Variants in HEXD observed in about 807,000 individuals in gnomAD.
HEXD encodes hexosaminidase D, also known as N-acetyl-beta-galactosaminidase.
HEXD carries 47 observed loss-of-function variants against 54.2 expected under a neutral mutation model. The observed-to-expected ratio is 0.87, with a 90% confidence interval of 0.69 to 1.11. The LOEUF is 1.11. Ranked by LOEUF, HEXD falls within the 50% of genes least tolerant of loss-of-function variation. The probability of loss-of-function intolerance (pLI) is 0.00; values close to 1 mark genes in which losing one functional copy is unlikely to be tolerated. For missense variants in HEXD, 576 were observed against 649.2 expected (o/e 0.89, Z 1.23); for synonymous variants, 293 against 287.6 (o/e 1.02, Z -0.19).
Position 82,436,697 on chromosome 17 carries a change from T to C in HEXD, c.662T>C (p.Val221Ala). The C allele has an allele frequency of 6.2e-7, 1 of 1,612,466 alleles. No individual in the cohort carries two copies. The highest frequency in any genetic ancestry group is 8.5e-7 in the Non-Finnish European group (1 of 1,179,684). ...ASGVPQLVEP[V>A]LWDYTADLDV... ...GGGGTGCCGCAGCTGGTGGAGCCGGTGCTCTGGGACTACACGGCCGACCTG... is the reference window on the plus strand; with the variant it reads ...GGGGTGCCGCAGCTGGTGGAGCCGGCGCTCTGGGACTACACGGCCGACCTG... The change falls in exon 7 of 13, where the codon GTG (valine) becomes GCG (alanine). Residue 221 changes from valine to alanine, a missense_variant. Val to Ala is a moderately conservative substitution (Grantham distance 64). Coordinates refer to ENST00000327949, the MANE Select transcript of HEXD (RefSeq NM_001330542.2).
intron 11 of HEXD, 57 bp from the exon 12 acceptor site, chr17:82,441,743 G>T: frequency 7.5e-7 from 1 of 1,341,018 alleles, no homozygotes. Context: ...TTACTGCAAA[G>T]CCGCCCCACG....
Position 82,433,681 on chromosome 17 carries a change from C to T in HEXD, c.306C>T (p.Phe102=), listed in dbSNP as rs371237510. The change falls in exon 5 of 13, where the codon TTC becomes TTT. Residue 102 remains phenylalanine (F), a synonymous_variant. Coordinates refer to ENST00000327949, the MANE Select transcript of HEXD (RefSeq NM_001330542.2). ...AGTTTGTGCTGAAGCACACGGCCTTCGCCCACCTGCGGGAGGTGGGCTCCT... is the reference window on the plus strand; with the variant it reads ...AGTTTGTGCTGAAGCACACGGCCTTTGCCCACCTGCGGGAGGTGGGCTCCT... ...HMEFVLKHTA[F]AHLREVGSFP... 4.5e-5 allele frequency: 73 copies of T among 1,605,962 alleles called. No homozygotes were observed. In the East Asian group the frequency reaches 9.3e-4, roughly 21 times the overall value.
intron 6 of HEXD, 132 bp from the exon 7 acceptor site, chr17:82,436,535 C>T: frequency 1.4e-6 from 1 of 713,698 alleles, no homozygotes; most frequent in Non-Finnish European, 2.3e-6. Flanking sequence ...TGTCAAAACC[C>T]AGCACGGTGC....
intron 4 of HEXD, among the ~76,000 whole-genome samples, chr17:82,432,244 G>A (rs1037642373): frequency 1.3e-5 from 2 of 152,280 alleles, no homozygotes; most frequent in Admixed American, 6.5e-5. Flanking sequence ...TGTGGCCCCC[G>A]TCAGCCAGGC....
intron 4 of HEXD, 102 bp downstream of exon 4, chr17:82,428,747 T>TTA (rs1007654676): frequency 3.1e-6 from 3 of 963,878 alleles, no homozygotes; most frequent in Admixed American, 3.5e-5. Context: ...GGGCCCATGG[T>TTA]TGGGGTGCAG....
chr17:82,436,310 T>C (rs989535910), intron 6 of HEXD, among the ~76,000 whole-genome samples: 4 of 152,350 alleles, frequency 2.6e-5, no homozygotes, highest in Middle Eastern at 3.4e-3. Flanking sequence ...CTCAGTGAGC[T>C]CCATAGCAGA....
intron 7 of HEXD, 124 bp downstream of exon 7, chr17:82,436,862 C>G (rs960767164): frequency 1.2e-6 from 1 of 852,666 alleles, no homozygotes; most frequent in Admixed American, 2.5e-5. Context: ...GGCCAGGGCA[C>G]AGCCCCAGCA....
In HEXD at chr17:82,441,285, G is replaced by A. The variant is rs2053943115; in HGVS notation, c.1163+19G>A. 6.3e-7 allele frequency: 1 copy of A among 1,599,902 alleles called. No individual in the cohort carries two copies. The highest frequency in any genetic ancestry group is 8.5e-7 in the Non-Finnish European group (1 of 1,173,598). ...GCAACAGGTGAGCGTGTGGGTTAGG[G>A]GCAGGTGTGGGTGAGGGGGGCAGGC... On this transcript the variant is annotated intron_variant, in intron 11 of 12. Transcript: ENST00000327949.
chr17:82,418,423 C>T lies in HEXD; in HGVS notation c.-369C>T. The T allele has an allele frequency of 6.8e-7, 1 of 1,479,836 alleles. No individual in the cohort carries two copies. Among genetic ancestry groups the T allele is most frequent in the Admixed American group, 2.2e-5 (1 of 44,480 alleles). 91.7% of individuals were successfully genotyped at this position (1,479,836 alleles called of 1,614,324 possible). On this transcript the variant is annotated 5_prime_UTR_variant, in exon 1 of 13. Transcript: ENST00000327949. ...CTCCTCACCGCTACCTGCTCCGGTT[C>T]CGGCGCTCGGCCGCTCCGTTGCCCT...
Position 82,423,812 on chromosome 17 carries a change from C to CAA in HEXD, c.85-567_85-566dup, listed in dbSNP as rs570299369. Among the ~76,000 whole-genome samples, 438 of 91,204 alleles carry CAA rather than the reference C, an allele frequency of 4.8e-3. 3 individuals carry two copies. The highest frequency in any genetic ancestry group is 0.016 in the African/African-American group (395 of 25,310). 59.8% of individuals were successfully genotyped at this position (91,204 alleles called of 152,430 possible). On this transcript the variant is annotated intron_variant, in intron 2 of 12. Transcript: ENST00000327949. ...TGGGCGAGAGAGCGAGACTCCATCT[C>CAA]AAAAAAAAAAAAAAAAGAGAGAAAG...
rs1228598934 is a variant in HEXD at position 82,428,550 on chromosome 17, C to T, written c.195-8C>T. 1 of 1,612,360 alleles carries T rather than the reference C, an allele frequency of 6.2e-7. No individual in the cohort carries two copies. The highest frequency in any genetic ancestry group is 8.5e-7 in the Non-Finnish European group (1 of 1,178,566). ...ATGACCCTCTCTCTATGAATTTTGTCTCTCCAGCCCCTCTGAAATCAAAGA... is the reference window on the plus strand; with the variant it reads ...ATGACCCTCTCTCTATGAATTTTGTTTCTCCAGCCCCTCTGAAATCAAAGA... On this transcript the variant is annotated splice_polypyrimidine_tract_variant and splice_region_variant and intron_variant, in intron 3 of 12. Coordinates refer to ENST00000327949, the MANE Select transcript of HEXD (RefSeq NM_001330542.2).
Position 82,442,225 on chromosome 17 carries a change from G to A in HEXD, c.1302G>A (p.Leu434=). 2 of 1,605,246 alleles carry A rather than the reference G, an allele frequency of 1.2e-6. No homozygotes were observed. ...TCGTGCAGGAGCTGGAGGCTGCCCT[G>A]CAGCTGGCTTTCTACCCGGATGCCG... The part of the protein sequence containing the change: ...STLVQELEAA[L]QLAFYPDAVE... The change falls in exon 13 of 13, where the codon CTG becomes CTA. Residue 434 remains leucine (L), a synonymous_variant. Transcript: ENST00000327949. This position sits in a 1 kb window ranked among gnomAD's most constrained non-coding sequence, Gnocchi z 6.8.
In HEXD at chr17:82,442,575, G is replaced by A; in HGVS notation, c.*191G>A. 2.5e-6 allele frequency: 4 copies of A among 1,577,648 alleles called. No individual in the cohort carries two copies. The highest frequency in any genetic ancestry group is 3.5e-6 in the Non-Finnish European group (4 of 1,153,106). On this transcript the variant is annotated 3_prime_UTR_variant, in exon 13 of 13. Transcript: ENST00000327949. This position sits in a 1 kb window ranked among gnomAD's most constrained non-coding sequence, Gnocchi z 6.8. ...AGAAAACACAGAAGGAAGCAGCACA[G>A]GGAGACCCGCTTTGTGATCTGCATG... is the stretch of plus-strand genomic sequence containing the variant.
chr17:82,428,673 G>T, intron 4 of HEXD, 28 bp downstream of exon 4: 2 of 1,595,028 alleles, frequency 1.3e-6, no homozygotes, highest in Non-Finnish European at 1.7e-6. Flanking sequence ...AAGTTACCTG[G>T]TGCCAGGTGT....
chr17:82,437,625 C>CTGTGTG (rs5822529), intron 8 of HEXD, among the ~76,000 whole-genome samples: 48 of 150,892 alleles, frequency 3.2e-4, no homozygotes, highest in Non-Finnish European at 3.6e-4. Flanking sequence ...GCACCTGAGG[C>CTGTGTG]TGTGTGTGTG....
chr17:82,428,424 A>G, intron 3 of HEXD, 134 bp from the exon 4 acceptor site: 1 of 659,254 alleles, frequency 1.5e-6, no homozygotes. Flanking sequence ...GATACCTGTC[A>G]AGCTTTGTGG....
chr17:82,439,946 G>A (rs2053882027), intron 9 of HEXD: 3 of 1,507,450 alleles, frequency 2.0e-6, no homozygotes, highest in Middle Eastern at 1.7e-4. Context: ...GAGTGACGCG[G>A]GAGGCACCCC....
Position 82,430,172 on chromosome 17 carries a change from C to A in HEXD, c.282+1527C>A, listed in dbSNP as rs541224135. Among the ~76,000 whole-genome samples, 6 of 152,310 alleles carry A rather than the reference C, an allele frequency of 3.9e-5. No homozygotes were observed. In the South Asian group the frequency reaches 1.2e-3, roughly 32 times the overall value. On this transcript the variant is annotated intron_variant, in intron 4 of 12. Coordinates refer to ENST00000327949, the MANE Select transcript of HEXD (RefSeq NM_001330542.2). ...TGCCCCTCCGTGCCCCTCTCCCCAC[C>A]ACAGCAAGTCACAGCACAGCCCTGA...
At chr17:82,424,326 T>C (rs2053331065) in intron 2 of HEXD, 68 bp from the exon 3 acceptor site, 8 of 980,098 alleles carry the variant, frequency 8.2e-6, no homozygotes, top group Admixed American at 1.7e-5. Context: ...GGCGTCTCCC[T>C]GCTGTGGACT....
Sources: gnomAD v4.1 joint callset for allele counts (sites outside exome capture counted in the v4.1 genomes callset) on GRCh38, gnomAD v4.1.1 for gene constraint, Gnocchi (gnomAD v3.1) non-coding constraint, MANE v1.5 for transcripts, NCBI Gene and HGNC (gene_info 2026-07-23, HGNC 2026-07-21) for gene names.